Variants in FAM216A observed in about 807,000 individuals in gnomAD.
FAM216A encodes protein FAM216A.
FAM216A carries 26 observed loss-of-function variants against 37.6 expected under a neutral mutation model. The observed-to-expected ratio is 0.69, with a 90% CI of 0.51 to 0.96. FAM216A has a LOEUF of 0.96. FAM216A is among the 40% of genes least tolerant of loss of function. The probability of loss-of-function intolerance (pLI) is 0.00; values close to 1 mark genes in which losing one functional copy is unlikely to be tolerated. For synonymous variants in FAM216A, 110 were observed against 121.7 expected (o/e 0.90, Z 0.64); for missense variants, 326 against 339.3 (o/e 0.96, Z 0.31).
chr12:110,489,237 G>A (rs1327342043), intron 6 of FAM216A, among the ~76,000 whole-genome samples: 1 of 152,146 alleles, frequency 6.6e-6, no homozygotes, highest in Non-Finnish European at 1.5e-5. Flanking sequence ...AGGCGCAGTG[G>A]CTCATGCCTG....
rs141070279 is a variant in FAM216A at position 110,489,201 on chromosome 12, G to C, written c.704-818G>C. Among the ~76,000 whole-genome samples, 17 of 152,234 alleles carry C rather than the reference G, an allele frequency of 1.1e-4. No homozygotes were observed. The East Asian group carries it at 2.7e-3, about 24-fold the overall frequency. ...GTTATCAGCATAGTGAAGTAGGGAG[G>C]TGGGTAAGAAGTAGGGAAGTTGGCC... On this transcript the variant is annotated intron_variant, in intron 6 of 6. Transcript: ENST00000377673.
At chr12:110,489,365 G>A (rs767646928) in intron 6 of FAM216A, among the ~76,000 whole-genome samples, 2 of 151,902 alleles carry the variant, frequency 1.3e-5, no homozygotes, top group Admixed American at 6.6e-5. Flanking sequence ...TCAGCCGGGC[G>A]TGGTGGCACA....
At chr12:110,469,412 A>G (rs993610089) in intron 1 of FAM216A, 1 of 204,360 alleles carries the variant, frequency 4.9e-6, no homozygotes, top group Non-Finnish European at 9.7e-6. Context: ...CCCCCGGTTC[A>G]ACTGGGGGCA....
At chr12:110,473,996 T>G (rs2062701636) in intron 2 of FAM216A, among the ~76,000 whole-genome samples, 1 of 152,194 alleles carries the variant, frequency 6.6e-6, no homozygotes, top group Non-Finnish European at 1.5e-5. Context: ...TTTAAATGTT[T>G]CATTTAAATT....
intron 1 of FAM216A, among the ~76,000 whole-genome samples, chr12:110,470,067 G>A (rs1298692323): frequency 6.6e-6 from 1 of 151,518 alleles, no homozygotes; most frequent in Non-Finnish European, 1.5e-5. Context: ...ACAACCCGCA[G>A]TCAGGGCCCC....
intron 1 of FAM216A, 40 bp from the exon 2 acceptor site, chr12:110,473,038 A>G: frequency 1.1e-6 from 1 of 945,816 alleles, no homozygotes; most frequent in Non-Finnish European, 1.6e-6. Flanking sequence ...GTAACATTGT[A>G]ATTATTACAT....
At chr12:110,472,580 C>A (rs900744377) in intron 1 of FAM216A, among the ~76,000 whole-genome samples, 1 of 151,864 alleles carries the variant, frequency 6.6e-6, no homozygotes, top group Admixed American at 6.6e-5. Context: ...AGAAAAAAAT[C>A]TTGGAGCCAT....
At chr12:110,489,456 A>G (rs2062797961) in intron 6 of FAM216A, among the ~76,000 whole-genome samples, 1 of 151,048 alleles carries the variant, frequency 6.6e-6, no homozygotes. Flanking sequence ...GTGAGCCAAG[A>G]TCGCGCCACT....
chr12:110,486,761 AT>A lies in FAM216A; in HGVS notation c.620+55del, dbSNP rs370427865. The A allele has an allele frequency of 3.5e-3, 4,438 of 1,269,322 alleles. 3 individuals are homozygous for A. The highest frequency in any genetic ancestry group is 9.6e-3 in the African/African-American group (629 of 65,392). 78.6% of individuals were successfully genotyped at this position (1,269,322 alleles called of 1,614,324 possible). A position where few individuals can be genotyped will look rare whatever the true frequency, so the allele number is the denominator to read the frequency against. On this transcript the variant is annotated intron_variant, in intron 5 of 6. Coordinates refer to ENST00000377673, the MANE Select transcript of FAM216A (RefSeq NM_013300.3). ...AAGGGGGGAAATGCATCTCAGTTTA[AT>A]TTTTTTTTTTCTCAGACAGGGTTTT...
intron 2 of FAM216A, among the ~76,000 whole-genome samples, chr12:110,478,778 C>T (rs1424200045): frequency 6.6e-6 from 1 of 151,932 alleles, no homozygotes; most frequent in Non-Finnish European, 1.5e-5. Context: ...TCATGTTATA[C>T]TCAGTCTTTT....
rs1474329880 is a variant in FAM216A, at chr12:110,486,611, C to A, written c.514C>A (p.His172Asn). The A allele has an allele frequency of 6.2e-7, 1 of 1,614,184 alleles. No individual in the cohort carries two copies. The highest frequency in any genetic ancestry group is 8.5e-7 in the Non-Finnish European group (1 of 1,180,030). Residue 172 changes from histidine (H) to asparagine (N), a missense_variant, in exon 5 of 7, where the codon CAT becomes AAT. Physicochemically the swap from His to Asn is moderately conservative, Grantham distance 68. Coordinates refer to ENST00000377673, the MANE Select transcript of FAM216A (RefSeq NM_013300.3). Reference sequence around the variant, plus strand: ...GCATTACCCTTGCACTACATGGCGACATCAACTGGAGAGAGAGGACTCGGG... The same window carrying A: ...GCATTACCCTTGCACTACATGGCGAAATCAACTGGAGAGAGAGGACTCGGG... Reference protein sequence around the residue: ...KQHYPCTTWRHQLEREDSGSS... With the variant: ...KQHYPCTTWRNQLEREDSGSS...
intron 2 of FAM216A, among the ~76,000 whole-genome samples, chr12:110,479,255 C>G (rs924042496): frequency 1.3e-5 from 2 of 152,002 alleles, no homozygotes; most frequent in African/African-American, 2.4e-5. Context: ...AATATACTTT[C>G]ATTGCTTCTA....
At chr12:110,489,472 CTA>C (rs1329006254) in intron 6 of FAM216A, among the ~76,000 whole-genome samples, 1 of 147,090 alleles carries the variant, frequency 6.8e-6, no homozygotes, top group Non-Finnish European at 1.5e-5. Flanking sequence ...CCACTGCACT[CTA>C]GTCTCCAAAA....
chr12:110,486,783 G>T (rs1486196626), intron 5 of FAM216A, 66 bp downstream of exon 5: 4 of 1,425,196 alleles, frequency 2.8e-6, no homozygotes, highest in African/African-American at 2.9e-5. Context: ...CTCAGACAGG[G>T]TTTTGTTCTC....
upstream of FAM216A, chr12:110,468,490 C>T (rs374893099): frequency 1.3e-6 from 2 of 1,537,122 alleles, no homozygotes; most frequent in African/African-American, 2.7e-5. Flanking sequence ...TAACGGACAA[C>T]AGATAAAGCT....
At position 110,468,888 on chromosome 12, in the gene FAM216A, C is replaced by G; in HGVS notation, c.13C>G (p.Leu5Val). 6.6e-7 allele frequency: 1 copy of G among 1,514,880 alleles called. No homozygotes were observed. Among genetic ancestry groups the G allele is most frequent in the Middle Eastern group, 1.9e-4 (1 of 5,262 alleles). The allele number at this position is 1,514,880 out of a possible 1,614,324, so 93.8% of individuals were successfully genotyped here. A position where few individuals can be genotyped will look rare whatever the true frequency, so the allele number is the denominator to read the frequency against. ...TGTCGGGGGAGGGATGCTGGGACAG[C>G]TGCTCCCGCACACGGCTCGCGGTCT... MLGQLLPHTARGLGA... is the reference protein window; with the variant it reads MLGQVLPHTARGLGA... The change falls in exon 1 of 7, where the codon CTG (leucine) becomes GTG (valine). Residue 5 changes from leucine to valine, a missense_variant. By Grantham distance (32) the Leu-to-Val change is conservative. Transcript: ENST00000377673.
intron 3 of FAM216A, among the ~76,000 whole-genome samples, 155 bp downstream of exon 3, chr12:110,485,354 T>G (rs1304093725): frequency 2.0e-5 from 3 of 152,144 alleles, no homozygotes; most frequent in Non-Finnish European, 4.4e-5. Flanking sequence ...TTGAGTAAAC[T>G]CATGAATGAA....
chr12:110,471,243 T>G (rs1022796447), intron 1 of FAM216A, among the ~76,000 whole-genome samples: 2 of 152,068 alleles, frequency 1.3e-5, no homozygotes, highest in African/African-American at 4.8e-5. Flanking sequence ...CACGTGCCAC[T>G]ACGCCTGGCT....
At chr12:110,488,796 A>G (rs1269700172) in intron 6 of FAM216A, among the ~76,000 whole-genome samples, 1 of 152,218 alleles carries the variant, frequency 6.6e-6, no homozygotes, top group Non-Finnish European at 1.5e-5. Context: ...TTTAATTTAT[A>G]AATTAGGCAC....
Sources: allele counts gnomAD v4.1 joint callset (sites outside exome capture counted in the v4.1 genomes callset), GRCh38; gene constraint gnomAD v4.1.1; transcripts MANE v1.5; gene names NCBI Gene and HGNC (gene_info 2026-07-23, HGNC 2026-07-21).